LRRC61: variants seen among roughly 807,000 people sequenced by gnomAD.
LRRC61 encodes leucine rich repeat containing 61.
In LRRC61, 9 loss-of-function variants were observed where a neutral mutation model predicts 15.1. The ratio of observed to expected loss-of-function variants is 0.60; its 90% CI spans 0.36 to 1.04. The LOEUF is 1.04. Ranked by LOEUF, LRRC61 falls within the 50% of genes least tolerant of loss-of-function variation. LRRC61 has a pLI of 0.01. For synonymous variants in LRRC61, 173 were observed against 158.6 expected (o/e 1.09, Z -0.68); for missense variants, 344 against 335.6 (o/e 1.03, Z -0.20).
intron 2 of LRRC61, among the ~76,000 whole-genome samples, chr7:150,334,440 C>A (rs987656338): frequency 2.4e-4 from 35 of 147,864 alleles, no homozygotes; most frequent in Admixed American, 2.2e-3. Flanking sequence ...AGGACATCTT[C>A]CACATTCACT....
chr7:150,331,127 C>T (rs1798096748), intron 2 of LRRC61: 1 of 1,601,870 alleles, frequency 6.2e-7, no homozygotes, highest in Non-Finnish European at 8.5e-7. Flanking sequence ...AGCATCTTTG[C>T]CTCCCTGAAC....
rs779096509 is a variant in LRRC61, at chr7:150,330,844, A to C, written c.-145+4834A>C. The C allele has an allele frequency of 1.2e-6, 2 of 1,608,536 alleles. No individual in the cohort carries two copies. Among genetic ancestry groups the C allele is most frequent in the South Asian group, 2.2e-5 (2 of 90,952 alleles). ...AGCTCCGGGGTGGAGGGGAGAAGCC[A>C]GGGGGAGCCTCTGCAGAGCAGCAGC... On this transcript the variant is annotated intron_variant, in intron 2 of 2. Coordinates refer to ENST00000359623, the MANE Select transcript of LRRC61 (RefSeq NM_001142928.2). This position sits in a 1 kb window ranked among gnomAD's most constrained non-coding sequence, Gnocchi z 4.6.
At chr7:150,331,375 T>G in intron 2 of LRRC61, 3 of 421,824 alleles carry the variant, frequency 7.1e-6, no homozygotes, top group Non-Finnish European at 1.3e-5. Context: ...CTGCCTGTAA[T>G]AGGTCAAAGC....
In LRRC61 at chr7:150,337,504, ATCCT is replaced by A; in HGVS notation, c.644_647del (p.Ile215ArgfsTer110). The A allele has an allele frequency of 6.2e-7, 1 of 1,602,930 alleles. No homozygotes were observed. Among genetic ancestry groups the A allele is most frequent in the South Asian group, 1.1e-5 (1 of 91,008 alleles). On this transcript the variant is annotated frameshift_variant, in exon 3 of 3. Transcript: ENST00000359623. LOFTEE classifies it high-confidence loss of function. ...GTCCTGGCCCAGCCGGAGCAGCTCC[ATCCT>A]GGAGGAGGCCTGCCGGCAGTTCCAG...
At chr7:150,314,682 C>A in the LRRC61 span, among the ~76,000 whole-genome samples, 1 of 151,368 alleles carries the variant, frequency 6.6e-6, no homozygotes, top group African/African-American at 2.4e-5. Context: ...GTGGCTCATG[C>A]CTGTAATCCC....
Position 150,330,878 on chromosome 7 carries a change from G to A in LRRC61, c.-145+4868G>A. 1.2e-6 allele frequency: 2 copies of A among 1,611,166 alleles called. No individual in the cohort carries two copies. Among genetic ancestry groups the A allele is most frequent in the Non-Finnish European group, 8.5e-7 (1 of 1,178,440 alleles). ...CTCTGCAGAGCAGCAGCCACTCTGGGGCCTTCCTGCTGGCCCAGAGGGAGA... is the reference window on the plus strand; with the variant it reads ...CTCTGCAGAGCAGCAGCCACTCTGGAGCCTTCCTGCTGGCCCAGAGGGAGA... On this transcript the variant is annotated intron_variant, in intron 2 of 2. Coordinates refer to ENST00000359623, the MANE Select transcript of LRRC61 (RefSeq NM_001142928.2). This position sits in a 1 kb window ranked among gnomAD's most constrained non-coding sequence, Gnocchi z 4.6.
the LRRC61 span, among the ~76,000 whole-genome samples, chr7:150,316,911 T>C: frequency 6.6e-6 from 1 of 152,152 alleles, no homozygotes; most frequent in Non-Finnish European, 1.5e-5. Flanking sequence ...TGATAAGCTT[T>C]TCCATTTATT....
intron 1 of LRRC61, chr7:150,324,406 G>A (rs1797864701): frequency 6.6e-6 from 1 of 152,310 alleles, no homozygotes; most frequent in South Asian, 2.1e-4. Flanking sequence ...GCACGCACTT[G>A]GGAAAAGGCT....
At chr7:150,320,840 G>A (rs926417605), upstream of LRRC61, among the ~76,000 whole-genome samples, 4 of 152,204 alleles carry the variant, frequency 2.6e-5, no homozygotes, top group Non-Finnish European at 5.9e-5. Flanking sequence ...GATCAAGAGT[G>A]CTGACTTCCT....
chr7:150,334,123 G>T (rs1798204508), intron 2 of LRRC61: 1 of 985,108 alleles, frequency 1.0e-6, no homozygotes, highest in Admixed American at 6.2e-5. Flanking sequence ...GCCTCTGTCT[G>T]CCTGCTTCTT....
intron 1 of LRRC61, among the ~76,000 whole-genome samples, chr7:150,325,517 G>C (rs892280851): frequency 6.6e-6 from 1 of 152,162 alleles, no homozygotes; most frequent in Non-Finnish European, 1.5e-5. Context: ...GCTCAGGCTG[G>C]AATGCAGTGG....
At chr7:150,334,133 T>G (rs1798205080) in intron 2 of LRRC61, 3 of 984,734 alleles carry the variant, frequency 3.0e-6, no homozygotes, top group Middle Eastern at 5.2e-4. Context: ...GCCTGCTTCT[T>G]TGCTCTCTCC....
In LRRC61 at chr7:150,337,630, T is replaced by C; in HGVS notation, c.769T>C (p.Phe257Leu). 6.6e-7 allele frequency: 1 copy of C among 1,524,232 alleles called. No homozygotes were observed. The highest frequency in any genetic ancestry group is 8.8e-7 in the Non-Finnish European group (1 of 1,138,090). The allele number at this position is 1,524,232 out of a possible 1,614,324, so 94.4% of individuals were successfully genotyped here. ...VLSSAGPTSS[F>L]VF ...CAGCTCTGCGGGCCCCACCTCTTCCTTCGTCTTCTGAACGTGGCCTATGGC... is the reference window on the plus strand; with the variant it reads ...CAGCTCTGCGGGCCCCACCTCTTCCCTCGTCTTCTGAACGTGGCCTATGGC... Residue 257 changes from phenylalanine (F) to leucine (L), a missense_variant, in exon 3 of 3, where the codon TTC (phenylalanine) becomes CTC (leucine). Coordinates refer to ENST00000359623, the MANE Select transcript of LRRC61 (RefSeq NM_001142928.2).
chr7:150,330,308 C>A lies in LRRC61; in HGVS notation c.-145+4298C>A. 1 of 710,834 alleles carries A rather than the reference C, an allele frequency of 1.4e-6. No individual in the cohort carries two copies. The highest frequency in any genetic ancestry group is 3.9e-4 in the Middle Eastern group (1 of 2,582). The allele number at this position is 710,834 out of a possible 1,614,324, so 44.0% of individuals were successfully genotyped here. A position where few individuals can be genotyped will look rare whatever the true frequency, so the allele number is the denominator to read the frequency against. On this transcript the variant is annotated intron_variant, in intron 2 of 2. Coordinates refer to ENST00000359623, the MANE Select transcript of LRRC61 (RefSeq NM_001142928.2). This position sits in a 1 kb window ranked among gnomAD's most constrained non-coding sequence, Gnocchi z 4.6. ...AGCAGCAGCAGCCCCTTCAAGAGTA[C>A]AAGGGCAGGCACCAGCTGGGGAAGG... is the stretch of plus-strand genomic sequence containing the variant.
the LRRC61 span, among the ~76,000 whole-genome samples, chr7:150,316,480 G>GTTTTTTT: frequency 7.6e-6 from 1 of 131,732 alleles, no homozygotes; most frequent in Non-Finnish European, 1.6e-5. Flanking sequence ...TTAGAATCTG[G>GTTTTTTT]TTATTTTTTT....
chr7:150,314,079 G>T, the LRRC61 span, among the ~76,000 whole-genome samples: 11 of 152,292 alleles, frequency 7.2e-5, no homozygotes, highest in South Asian at 1.7e-3. Flanking sequence ...CTAGTCCCCA[G>T]GTCACTCATG....
rs1798371637 is a variant in LRRC61, at chr7:150,338,071, T to C, written c.*430T>C. 2.2e-6 allele frequency: 1 copy of C among 447,912 alleles called. No homozygotes were observed. The highest frequency in any genetic ancestry group is 4.1e-6 in the Non-Finnish European group (1 of 245,464). The allele number at this position is 447,912 out of a possible 1,614,324, so 27.7% of individuals were successfully genotyped here. A position where few individuals can be genotyped will look rare whatever the true frequency, so the allele number is the denominator to read the frequency against. On this transcript the variant is annotated 3_prime_UTR_variant, in exon 3 of 3. Coordinates refer to ENST00000359623, the MANE Select transcript of LRRC61 (RefSeq NM_001142928.2). ...GCCTTGCAAATGTGCCTCTCCAGACTGCTCCTGCACTTACCCCCTCCCCGC... is the reference window on the plus strand; with the variant it reads ...GCCTTGCAAATGTGCCTCTCCAGACCGCTCCTGCACTTACCCCCTCCCCGC...
chr7:150,318,101 T>C, the LRRC61 span, among the ~76,000 whole-genome samples: 1 of 152,200 alleles, frequency 6.6e-6, no homozygotes, highest in African/African-American at 2.4e-5. Context: ...ATAATTCTTA[T>C]GGAGAAGACG....
In LRRC61 at chr7:150,336,867, C is replaced by T; in HGVS notation, c.6C>T (p.Asp2=). 6.2e-7 allele frequency: 1 copy of T among 1,609,256 alleles called. No individual in the cohort carries two copies. The highest frequency in any genetic ancestry group is 8.5e-7 in the Non-Finnish European group (1 of 1,177,236). The change falls in exon 3 of 3, where the codon GAC becomes GAT. Residue 2 remains aspartate (D), a synonymous_variant. Transcript: ENST00000359623. ...TCCCAACCGACTTCCATCTCATGGA[C>T]CCTCCAGCGGAGAAGCCGGGAGAGG... The part of the protein sequence containing the change: M[D]PPAEKPGEAG...
Sources: gnomAD v4.1 joint callset for allele counts (sites outside exome capture counted in the v4.1 genomes callset) on GRCh38, gnomAD v4.1.1 for gene constraint, Gnocchi (gnomAD v3.1) non-coding constraint, MANE v1.5 for transcripts, NCBI Gene and HGNC (gene_info 2026-07-23, HGNC 2026-07-21) for gene names.